Variants in CPNE4 observed in about 807,000 individuals in gnomAD.
The protein encoded by CPNE4 is copine 4, also known as copine-4.
In CPNE4, 25 loss-of-function variants were observed where a neutral mutation model predicts 67.9. The ratio of observed to expected loss-of-function variants is 0.37; its 90% confidence interval spans 0.27 to 0.51. The LOEUF is 0.51. CPNE4 is among the 20% of genes least tolerant of loss of function. The pLI is 0.93. For missense variants in CPNE4, 464 were observed against 690.8 expected, an observed-to-expected ratio of 0.67 and a Z score of 3.68; for synonymous variants, 242 against 244.9, an observed-to-expected ratio of 0.99 and a Z score of 0.11.
chr3:131,732,370 CT>C (rs1336218791), intron 2 of CPNE4, among the ~76,000 whole-genome samples: 2 of 152,210 alleles, frequency 1.3e-5, no homozygotes, highest in Non-Finnish European at 2.9e-5. Context: ...ATCCATTCTC[CT>C]TTACATCCCC....
intron 2 of CPNE4, among the ~76,000 whole-genome samples, chr3:131,858,558 T>C (rs1200757387): frequency 3.3e-5 from 5 of 152,148 alleles, no homozygotes; most frequent in African/African-American, 1.2e-4. Context: ...ATGAAAGATA[T>C]CTTAGGTATC....
At chr3:131,725,776 T>C (rs901632543) in intron 2 of CPNE4, among the ~76,000 whole-genome samples, 1 of 152,202 alleles carries the variant, frequency 6.6e-6, no homozygotes, top group Admixed American at 6.5e-5. Flanking sequence ...CTGTTTTTAT[T>C]ACCCTTCCTT....
intron 1 of CPNE4, among the ~76,000 whole-genome samples, chr3:131,953,238 T>TAAAAAAAAAAAAAA (rs369308316): frequency 5.3e-5 from 4 of 75,700 alleles, no homozygotes; most frequent in Non-Finnish European, 8.5e-5. Flanking sequence ...GAATGATCAA[T>TAAAAAAAAAAAAAA]TAAAAAAAAA....
intron 1 of CPNE4, among the ~76,000 whole-genome samples, chr3:131,972,173 A>G (rs372383687): frequency 1.2e-4 from 19 of 152,350 alleles, no homozygotes; most frequent in African/African-American, 4.6e-4. Context: ...CTCAGAAGAC[A>G]GTAAATGCTG....
At chr3:132,030,984 T>A (rs1414290579) in intron 1 of CPNE4, among the ~76,000 whole-genome samples, 5 of 152,218 alleles carry the variant, frequency 3.3e-5, no homozygotes, top group African/African-American at 1.2e-4. Context: ...AACTATCACA[T>A]AAATACTTTA....
In CPNE4 at chr3:131,871,552, G is replaced by A. The variant is rs373960712; in HGVS notation, c.180+33712C>T. On this transcript the variant is annotated intron_variant, in intron 2 of 15. Transcript: ENST00000429747. ...ATCCTGCTTCATTGGGGAATGAAGT[G>A]TATCAACATTTTCTGTGGGTCCAGA... 2.0e-5 allele frequency among the ~76,000 whole-genome samples: 3 copies of A among 152,262 alleles called. No individual in the cohort carries two copies. The South Asian group carries it at 6.2e-4, about 32-fold the overall frequency.
intron 14 of CPNE4, among the ~76,000 whole-genome samples, chr3:131,548,291 T>C (rs77154179): frequency 6.6e-6 from 1 of 152,112 alleles, no homozygotes; most frequent in African/African-American, 2.4e-5. Context: ...GTTCTTTAAG[T>C]AGTATTTATT....
At chr3:131,758,233 G>A (rs1354807338) in intron 2 of CPNE4, among the ~76,000 whole-genome samples, 1 of 152,190 alleles carries the variant, frequency 6.6e-6, no homozygotes, top group African/African-American at 2.4e-5. Context: ...AAAGCAGCCA[G>A]GAGGGAAGCT....
At chr3:131,566,263 G>T (rs1937052153) in intron 10 of CPNE4, among the ~76,000 whole-genome samples, 1 of 151,722 alleles carries the variant, frequency 6.6e-6, no homozygotes. Context: ...GACCAAAATG[G>T]GTGTAAAACT....
intron 4 of CPNE4, among the ~76,000 whole-genome samples, chr3:131,699,517 A>G (rs1367740573): frequency 6.6e-6 from 1 of 152,226 alleles, no homozygotes; most frequent in East Asian, 1.9e-4. Context: ...CAAAATTTTA[A>G]TTCTCAAAAT....
chr3:131,966,288 C>T (rs537457672), intron 1 of CPNE4, among the ~76,000 whole-genome samples: 49 of 152,262 alleles, frequency 3.2e-4, no homozygotes, highest in African/African-American at 1.2e-3. Flanking sequence ...CTAAAGTCAA[C>T]ACCCTAACAT....
At chr3:131,740,834 CT>C (rs1282522788) in intron 2 of CPNE4, among the ~76,000 whole-genome samples, 1 of 152,166 alleles carries the variant, frequency 6.6e-6, no homozygotes, top group African/African-American at 2.4e-5. Context: ...ACAAACACTC[CT>C]TTATTACCAT....
chr3:131,947,948 G>T (rs2071605425), intron 1 of CPNE4, among the ~76,000 whole-genome samples: 1 of 152,096 alleles, frequency 6.6e-6, no homozygotes, highest in African/African-American at 2.4e-5. Flanking sequence ...TTATAGAATT[G>T]CATTGAATCC....
chr3:131,636,344 A>G (rs1327113970), intron 7 of CPNE4, among the ~76,000 whole-genome samples: 1 of 152,142 alleles, frequency 6.6e-6, no homozygotes, highest in Non-Finnish European at 1.5e-5. Context: ...GCTCCATGGA[A>G]GCAGGGTGAA....
chr3:131,716,519 T>C (rs2081690036), intron 3 of CPNE4, among the ~76,000 whole-genome samples: 1 of 152,034 alleles, frequency 6.6e-6, no homozygotes, highest in Non-Finnish European at 1.5e-5. Flanking sequence ...GTAAGTTCAG[T>C]TTTACTATTA....
intron 2 of CPNE4, among the ~76,000 whole-genome samples, chr3:131,779,349 G>A (rs1331492508): frequency 2.0e-5 from 3 of 151,682 alleles, no homozygotes; most frequent in African/African-American, 7.3e-5. Flanking sequence ...AATTCATTTG[G>A]AACCAAAAAG....
intron 1 of CPNE4, among the ~76,000 whole-genome samples, chr3:131,922,000 A>G (rs2070750323): frequency 6.6e-6 from 1 of 152,148 alleles, no homozygotes; most frequent in South Asian, 2.1e-4. Flanking sequence ...GTATGATGCT[A>G]AGGTTCGGAG....
intron 1 of CPNE4, among the ~76,000 whole-genome samples, chr3:131,937,968 G>A (rs564528019): frequency 1.3e-5 from 2 of 151,944 alleles, no homozygotes; most frequent in Non-Finnish European, 2.9e-5. Context: ...AAGGACTAAG[G>A]GTATTAAATT....
rs1418373526 is a variant in CPNE4, at chr3:131,581,650, T to C, written c.796A>G (p.Ile266Val). 6.2e-7 allele frequency: 1 copy of C among 1,610,410 alleles called. No individual in the cohort carries two copies. The highest frequency in any genetic ancestry group is 8.5e-7 in the Non-Finnish European group (1 of 1,176,652). The change falls in exon 9 of 16, where the codon ATC becomes GTC. Residue 266 changes from isoleucine to valine, a missense_variant. Transcript: ENST00000429747. ...MEGKQVQWEC[I>V]NPKYKAKKKN... Reference sequence around the variant, plus strand: ...TTCTTGGCTTTGTACTTGGGATTGATGCACTCCCACTGCACCTGAAAGAAG... The same window carrying C: ...TTCTTGGCTTTGTACTTGGGATTGACGCACTCCCACTGCACCTGAAAGAAG...
Sources: gnomAD v4.1 joint callset for allele counts (sites outside exome capture counted in the v4.1 genomes callset) on GRCh38, gnomAD v4.1.1 for gene constraint, MANE v1.5 for transcripts, NCBI Gene and HGNC (gene_info 2026-07-23, HGNC 2026-07-21) for gene names.